NEK2: variants seen among roughly 807,000 people sequenced by gnomAD.
NEK2 encodes the protein NIMA related kinase 2.
NEK2 carries 28 observed loss-of-function variants against 54.1 expected under a neutral mutation model. That is an observed-to-expected ratio of 0.52 (90% CI 0.38 to 0.71). NEK2 has a LOEUF of 0.71. Among genes scored for constraint, NEK2 ranks in the 30% least tolerant of loss-of-function variants. NEK2 has a pLI of 0.00. For missense variants in NEK2, 407 were observed against 531.5 expected (o/e 0.77, Z 2.30); for synonymous variants, 176 against 193.1 (o/e 0.91, Z 0.73).
At chr1:211,673,780 G>A in intron 2 of NEK2, 57 bp from the exon 3 acceptor site, 1 of 1,550,720 alleles carries the variant, frequency 6.4e-7, no homozygotes, top group Non-Finnish European at 8.9e-7. Context: ...TGCCAAGATG[G>A]GATGATATAA....
Position 211,674,405 on chromosome 1 carries a change from G to T in NEK2, c.205C>A (p.Arg69Ser), listed in dbSNP as rs368396189. The T allele has an allele frequency of 1.4e-5, 22 of 1,613,896 alleles. No homozygotes were observed. The African/African-American group carries it at 2.5e-4, about 19-fold the overall frequency. Residue 69 changes from arginine to serine, a missense_variant, in exon 2 of 8, where the codon CGT (arginine) becomes AGT (serine). Physicochemically the swap from Arg to Ser is moderately radical, Grantham distance 110 (BLOSUM62 -1). Transcript: ENST00000366999. ...LRELKHPNIV[R>S]YYDRIIDRTN... is the part of the protein sequence containing the mutation. Reference sequence around the variant, plus strand: ...CGGTCAATAATCCGATCATAGTAACGAACGATGTTTGGATGTTTCAGTTCA... The same window carrying T: ...CGGTCAATAATCCGATCATAGTAACTAACGATGTTTGGATGTTTCAGTTCA...
intron 4 of NEK2, 50 bp downstream of exon 4, chr1:211,671,152 T>C (rs1408608966): frequency 6.9e-7 from 1 of 1,442,648 alleles, no homozygotes; most frequent in Non-Finnish European, 9.7e-7. Context: ...CAGTGAAATG[T>C]GACAAACAGT....
In NEK2 at chr1:211,674,321, C is replaced by A. The variant is rs1312492844; in HGVS notation, c.289G>T (p.Val97Leu). Residue 97 changes from valine (V) to leucine (L), a missense_variant, in exon 2 of 8, where the codon GTA becomes TTA. Val to Leu is a conservative substitution (Grantham distance 32). Coordinates refer to ENST00000366999, the MANE Select transcript of NEK2 (RefSeq NM_002497.4). ...CTTTCCTTGGTTCCCTTTGTAATTA[C>A]ACTAGCCAGATCCCCTCCTTCACAA... Reference protein sequence around the residue: ...EYCEGGDLASVITKGTKERQY... With the variant: ...EYCEGGDLASLITKGTKERQY... The A allele has an allele frequency of 1.2e-6, 2 of 1,613,020 alleles. No individual in the cohort carries two copies. Among genetic ancestry groups the A allele is most frequent in the East Asian group, 4.5e-5 (2 of 44,854 alleles).
rs1372506697 is a variant in NEK2, at chr1:211,673,336, C to A, written c.555+147G>T. 5 of 921,498 alleles carry A rather than the reference C, an allele frequency of 5.4e-6. No homozygotes were observed. In the Admixed American group the frequency reaches 1.0e-4, roughly 18 times the overall value. The allele number at this position is 921,498 out of a possible 1,614,324, so 57.1% of individuals were successfully genotyped here. A position where few individuals can be genotyped will look rare whatever the true frequency, so the allele number is the denominator to read the frequency against. On this transcript the variant is annotated intron_variant, in intron 3 of 7. Coordinates refer to ENST00000366999, the MANE Select transcript of NEK2 (RefSeq NM_002497.4). ...GGCTGATGCAGGAGAATCCTTTGAA[C>A]CTGGGAGGCAGAGATTGCAGTGAGC... is the stretch of plus-strand genomic sequence containing the variant.
At position 211,670,361 on chromosome 1, in the gene NEK2, T is replaced by C; in HGVS notation, c.685A>G (p.Arg229Gly). The C allele has an allele frequency of 6.2e-7, 1 of 1,613,936 alleles. No homozygotes were observed. Among genetic ancestry groups the C allele is most frequent in the Non-Finnish European group, 8.5e-7 (1 of 1,179,822 alleles). Reference protein sequence around the residue: ...FSQKELAGKIREGKFRRIPYR... With the variant: ...FSQKELAGKIGEGKFRRIPYR... ...GGAATTCGCCTGAATTTGCCTTCTC[T>C]GATTTTCCCAGCGAGTTCTTTCTGG... is the stretch of plus-strand genomic sequence containing the variant. The change falls in exon 5 of 8, where the codon AGA (arginine) becomes GGA (glycine). Residue 229 changes from arginine to glycine, a missense_variant. Coordinates refer to ENST00000366999, the MANE Select transcript of NEK2 (RefSeq NM_002497.4).
intron 1 of NEK2, 85 bp downstream of exon 1, chr1:211,675,298 GT>G: frequency 8.2e-7 from 1 of 1,216,906 alleles, no homozygotes; most frequent in African/African-American, 1.5e-5. Flanking sequence ...CCTCAGCCCT[GT>G]CGGTTCCCTT....
chr1:211,675,309 T>G, intron 1 of NEK2, 75 bp downstream of exon 1: 1 of 1,361,120 alleles, frequency 7.3e-7, no homozygotes, highest in Non-Finnish European at 1.0e-6. Context: ...TCGGTTCCCT[T>G]CGGTGGCGCA....
At chr1:211,664,767 T>C (rs1390661964) in intron 7 of NEK2, among the ~76,000 whole-genome samples, 1 of 152,260 alleles carries the variant, frequency 6.6e-6, no homozygotes, top group Non-Finnish European at 1.5e-5. Context: ...ACCTTCTTAT[T>C]ACCACAAATA....
downstream of NEK2, among the ~76,000 whole-genome samples, chr1:211,659,785 C>T (rs1249297059): frequency 2.0e-5 from 3 of 151,972 alleles, no homozygotes; most frequent in Non-Finnish European, 2.9e-5. Flanking sequence ...TCTCTTAATA[C>T]ATACTGTACA....
Position 211,669,125 on chromosome 1 carries a change from C to T in NEK2, c.973G>A (p.Glu325Lys). ...ERERALKARE[E>K]RLEQKEQELC... is the part of the protein sequence containing the mutation. ...CATTCAGACTTACGCTCCAATCTTT[C>T]TTCTCTTGCTTTGAGAGCTCGCTCT... The change falls in exon 6 of 8, where the codon GAA (glutamate) becomes AAA (lysine). Residue 325 changes from glutamate to lysine, a missense_variant. Physicochemically the swap from Glu to Lys is moderately conservative, Grantham distance 56. Coordinates refer to ENST00000366999, the MANE Select transcript of NEK2 (RefSeq NM_002497.4). 5 of 1,613,840 alleles carry T rather than the reference C, an allele frequency of 3.1e-6. No individual in the cohort carries two copies. The highest frequency in any genetic ancestry group is 4.2e-6 in the Non-Finnish European group (5 of 1,179,818).
downstream of NEK2, chr1:211,660,755 T>C (rs1194380897): frequency 1.5e-6 from 1 of 689,482 alleles, no homozygotes; most frequent in East Asian, 3.1e-5. Flanking sequence ...CCAATCTCAG[T>C]CTGATAGGAA....
Position 211,669,213 on chromosome 1 carries a change from T to C in NEK2, c.885A>G (p.Lys295=), listed in dbSNP as rs982559657. The change falls in exon 6 of 8, where the codon AAA becomes AAG. Residue 295 remains lysine, a synonymous_variant. Transcript: ENST00000366999. ...RRGRQLGEPE[K]SQDSSPVLSE... Reference sequence around the variant, plus strand: ...TCAATACAGGGCTGGAATCCTGCGATTTTTCTGGCTCTCCTAATTGTCGCC... The same window carrying C: ...TCAATACAGGGCTGGAATCCTGCGACTTTTCTGGCTCTCCTAATTGTCGCC... The C allele has an allele frequency of 6.2e-6, 10 of 1,613,916 alleles. No individual in the cohort carries two copies. The highest frequency in any genetic ancestry group is 8.5e-6 in the Non-Finnish European group (10 of 1,179,922).
downstream of NEK2, chr1:211,660,548 C>T: frequency 1.6e-6 from 1 of 633,460 alleles, no homozygotes; most frequent in Non-Finnish European, 3.0e-6. Context: ...TTAAAGAACT[C>T]TCCCATCTCC....
downstream of NEK2, chr1:211,658,630 G>A (rs1278281632): frequency 2.3e-6 from 1 of 436,568 alleles, no homozygotes; most frequent in Non-Finnish European, 4.5e-6. Context: ...TGAAGTGGGA[G>A]GATTACTTGA....
intron 7 of NEK2, among the ~76,000 whole-genome samples, chr1:211,664,994 T>G (rs754217115): frequency 6.6e-6 from 1 of 152,208 alleles, no homozygotes; most frequent in Non-Finnish European, 1.5e-5. Context: ...GTCACCACAC[T>G]TGGCTCTTAA....
rs1333749766 is a variant in NEK2, at chr1:211,667,246, TG to T, written c.986-16del. ...CTGTTCTTTCTCTTTAAAAAGAGAA[TG>T]GACAAAGAAAAAAAAATTAACAACT... On this transcript the variant is annotated splice_polypyrimidine_tract_variant and intron_variant, in intron 6 of 7. Transcript: ENST00000366999. 1 of 1,559,984 alleles carries T rather than the reference TG, an allele frequency of 6.4e-7. No homozygotes were observed. The highest frequency in any genetic ancestry group is 1.4e-5 in the African/African-American group (1 of 72,044).
rs778584897 is a variant in NEK2 at position 211,674,472 on chromosome 1, TTC to T, written c.136_137del (p.Glu46SerfsTer2). On this transcript the variant is annotated frameshift_variant, in exon 2 of 8. Transcript: ENST00000366999. LOFTEE classifies it high-confidence loss of function. ...WKELDYGSMT[E>X]AEKQMLVSEV... ...CAGAAACAAGCATCTGTTTCTCAGC[TTC>T]TGTCATGGAGCCATAGTCAAGTTCT... 2 of 1,614,010 alleles carry T rather than the reference TTC, an allele frequency of 1.2e-6. No homozygotes were observed. Among genetic ancestry groups the T allele is most frequent in the Non-Finnish European group, 1.7e-6 (2 of 1,179,926 alleles).
Position 211,675,391 on chromosome 1 carries a change from T to A in NEK2, c.89A>T (p.Asp30Val), listed in dbSNP as rs1169843035. The A allele has an allele frequency of 6.2e-7, 1 of 1,613,772 alleles. No homozygotes were observed. Reference sequence around the variant, plus strand: ...GGTAGGTCCCACGCTCACCTTGCCATCACTCTTCCTCCGGATCTTCTGGCA... The same window carrying A: ...GGTAGGTCCCACGCTCACCTTGCCAACACTCTTCCTCCGGATCTTCTGGCA... ...GRCQKIRRKS[D>V]GKILVWKELD... The change falls in exon 1 of 8, where the codon GAT (aspartate) becomes GTT (valine). Residue 30 changes from aspartate (D) to valine (V), a missense_variant. Coordinates refer to ENST00000366999, the MANE Select transcript of NEK2 (RefSeq NM_002497.4).
intron 4 of NEK2, 63 bp from the exon 5 acceptor site, chr1:211,670,470 A>G: frequency 1.3e-6 from 2 of 1,516,982 alleles, no homozygotes; most frequent in Non-Finnish European, 1.8e-6. Context: ...ATGAAAATAT[A>G]CAATAGGAAC....
Sources: allele counts gnomAD v4.1 joint callset (sites outside exome capture counted in the v4.1 genomes callset), GRCh38; gene constraint gnomAD v4.1.1; transcripts MANE v1.5; gene names NCBI Gene and HGNC (gene_info 2026-07-23, HGNC 2026-07-21).